RELCH: variants seen among roughly 807,000 people sequenced by gnomAD.
RELCH encodes the protein RAB11 binding and LisH domain, coiled-coil and HEAT repeat containing.
RELCH carries 41 observed loss-of-function variants against 150.3 expected under a neutral mutation model. The observed-to-expected ratio is 0.27, with a 90% CI of 0.21 to 0.35. RELCH has a LOEUF of 0.35. Ranked by LOEUF, RELCH falls within the 10% of genes least tolerant of loss-of-function variation. RELCH has a pLI of 1.00. For missense variants in RELCH, 1,092 were observed against 1,467.8 expected (o/e 0.74, Z 4.18); for synonymous variants, 478 against 531.8 (o/e 0.90, Z 1.39).
chr18:62,244,827 C>T lies in RELCH; in HGVS notation c.1684C>T (p.Leu562Phe). 1 of 1,613,560 alleles carries T rather than the reference C, an allele frequency of 6.2e-7. No individual in the cohort carries two copies. The highest frequency in any genetic ancestry group is 8.5e-7 in the Non-Finnish European group (1 of 1,179,626). ...LHPEPKERDQ[L>F]LHILFNLIKR... ...TCCTGAGCCTAAAGAGCGAGATCAGCTTCTCCACATACTTTTCAATTTGAT... is the reference window on the plus strand; with the variant it reads ...TCCTGAGCCTAAAGAGCGAGATCAGTTTCTCCACATACTTTTCAATTTGAT... The change falls in exon 11 of 29, where the codon CTT (leucine) becomes TTT (phenylalanine). Residue 562 changes from leucine (L) to phenylalanine (F), a missense_variant. Around this residue, in one of 4 missense-constraint regions of RELCH, gnomAD observed 707 missense variants for 1,025.4 expected, o/e 0.69. Coordinates refer to ENST00000644646, the MANE Select transcript of RELCH (RefSeq NM_001346231.2).
intron 16 of RELCH, 73 bp from the exon 17 acceptor site, chr18:62,263,907 ACCTTATTTT>A: frequency 9.9e-7 from 1 of 1,005,590 alleles, no homozygotes; most frequent in South Asian, 1.5e-5. Flanking sequence ...AGGAGAAAGG[ACCTTATTTT>A]CCTTTCAACA....
At position 62,288,899 on chromosome 18, in the gene RELCH, CAAAG is replaced by C. The variant is rs368282347; in HGVS notation, c.3370+1440_3370+1443del. 5.2e-3 allele frequency among the ~76,000 whole-genome samples: 795 copies of C among 152,060 alleles called. 5 individuals carry two copies. Among genetic ancestry groups the C allele is most frequent in the Non-Finnish European group, 8.6e-3 (583 of 67,932 alleles). On this transcript the variant is annotated intron_variant, in intron 26 of 28. Coordinates refer to ENST00000644646, the MANE Select transcript of RELCH (RefSeq NM_001346231.2). ...GTGGTGCATCGCAGAGTTTGTATCT[CAAAG>C]AAAGAAAACATTGGTGTGTTTAATT... is the stretch of plus-strand genomic sequence containing the variant.
At chr18:62,220,884 T>C (rs1398149043) in intron 2 of RELCH, 153 bp from the exon 3 acceptor site, 12 of 687,446 alleles carry the variant, frequency 1.7e-5, no homozygotes, top group Admixed American at 1.1e-4. Flanking sequence ...CTCTGCTGCA[T>C]GCGTTCACAA....
chr18:62,243,290 G>T (rs1182667117), intron 10 of RELCH, among the ~76,000 whole-genome samples: 2 of 151,918 alleles, frequency 1.3e-5, no homozygotes, highest in Non-Finnish European at 2.9e-5. Flanking sequence ...TTTGTAAAAG[G>T]TTGTTTATTT....
chr18:62,263,993 T>C lies in RELCH; in HGVS notation c.2355T>C (p.Thr785=). The change falls in exon 17 of 29, where the codon ACT becomes ACC. Residue 785 remains threonine, a synonymous_variant. Coordinates refer to ENST00000644646, the MANE Select transcript of RELCH (RefSeq NM_001346231.2). ...LHGEVPQIEV[T]RFPRPMSPLQ... ...TTTTGCTTCTTTTATGTGTAGTGACTAGGTTTCCTCGGCCTATGTCGCCTC... is the reference window on the plus strand; with the variant it reads ...TTTTGCTTCTTTTATGTGTAGTGACCAGGTTTCCTCGGCCTATGTCGCCTC... 6.2e-7 allele frequency: 1 copy of C among 1,607,274 alleles called. No homozygotes were observed. Among genetic ancestry groups the C allele is most frequent in the Non-Finnish European group, 8.5e-7 (1 of 1,177,040 alleles).
In RELCH at chr18:62,301,549, G is replaced by A. The variant is rs567885467; in HGVS notation, c.3530+2689G>A. Among the ~76,000 whole-genome samples the A allele has an allele frequency of 6.6e-5, 10 of 152,284 alleles. No individual in the cohort carries two copies. The South Asian group carries it at 2.1e-3, about 32-fold the overall frequency. On this transcript the variant is annotated intron_variant, in intron 28 of 28. Transcript: ENST00000644646. ...GCCTGCTACCTGTAGCCAATACTTA[G>A]GAACTTTGGTTGTCTAGCGTTAGTG...
At chr18:62,279,753 C>A in intron 22 of RELCH, 21 bp from the exon 23 acceptor site, 5 of 1,497,326 alleles carry the variant, frequency 3.3e-6, no homozygotes, top group Non-Finnish European at 3.6e-6. Flanking sequence ...CCTGTGAATA[C>A]CCCCTGTGCT....
Position 62,221,124 on chromosome 18 carries a change from C to T in RELCH, c.688+16C>T, listed in dbSNP as rs752380454. On this transcript the variant is annotated intron_variant, in intron 3 of 28. Coordinates refer to ENST00000644646, the MANE Select transcript of RELCH (RefSeq NM_001346231.2). ...AAGGCCGCAGGTGGTGTACATAAAA[C>T]TTTTTTGAGACTTTTCAACTTTGAC... 9.3e-6 allele frequency: 15 copies of T among 1,611,926 alleles called. No homozygotes were observed. Among genetic ancestry groups the T allele is most frequent in the African/African-American group, 1.3e-5 (1 of 74,756 alleles).
chr18:62,222,559 C>G (rs572147137), intron 5 of RELCH, among the ~76,000 whole-genome samples: 1 of 151,994 alleles, frequency 6.6e-6, no homozygotes, highest in African/African-American at 2.4e-5. Flanking sequence ...TAGATTAAAA[C>G]CTAGCTCTAT....
intron 19 of RELCH, 98 bp downstream of exon 19, chr18:62,266,847 CA>C (rs1224746277): frequency 1.4e-6 from 1 of 700,154 alleles, no homozygotes; most frequent in Non-Finnish European, 2.4e-6. Context: ...AATGAACTAG[CA>C]ACTACAATTG....
chr18:62,239,145 A>G (rs1241656401), intron 10 of RELCH, among the ~76,000 whole-genome samples: 1 of 152,136 alleles, frequency 6.6e-6, no homozygotes, highest in Non-Finnish European at 1.5e-5. Context: ...GCATGTGTGC[A>G]TATTTAATTT....
intron 10 of RELCH, chr18:62,234,834 C>T (rs1278952197): frequency 6.6e-6 from 1 of 151,590 alleles, no homozygotes; most frequent in African/African-American, 2.4e-5. Flanking sequence ...GGGTAGTAAA[C>T]CCTTATCATA....
rs564837976 is a variant in RELCH at position 62,232,541 on chromosome 18, A to C, written c.1620+114A>C. 9 of 654,286 alleles carry C rather than the reference A, an allele frequency of 1.4e-5. No homozygotes were observed. The African/African-American group carries it at 1.5e-4, about 11-fold the overall frequency. The allele number at this position is 654,286 out of a possible 1,614,324, so 40.5% of individuals were successfully genotyped here. ...TTGTTAAAGTCTATTACTTGCAATC[A>C]TATTCTTACTTTTGTGCATGCATCT... On this transcript the variant is annotated intron_variant, in intron 10 of 28. Coordinates refer to ENST00000644646, the MANE Select transcript of RELCH (RefSeq NM_001346231.2).
intron 1 of RELCH, among the ~76,000 whole-genome samples, chr18:62,198,840 A>T (rs1214045959): frequency 2.6e-5 from 4 of 152,042 alleles, no homozygotes; most frequent in Admixed American, 2.0e-4. Flanking sequence ...CTCACTAGGA[A>T]TTTTTTAATT....
In RELCH at chr18:62,221,009, T is replaced by C. The variant is rs778610917; in HGVS notation, c.617-28T>C. On this transcript the variant is annotated intron_variant, in intron 2 of 28. Coordinates refer to ENST00000644646, the MANE Select transcript of RELCH (RefSeq NM_001346231.2). ...TTCCCTTTTCTTGGTTGGATGCCTG[T>C]GTGTGTTTATTCCAAATCCCTGTCC... 3.2e-6 allele frequency: 5 copies of C among 1,577,878 alleles called. No homozygotes were observed. In the African/African-American group the frequency reaches 5.4e-5, roughly 17 times the overall value.
intron 7 of RELCH, 87 bp from the exon 8 acceptor site, chr18:62,228,218 A>T: frequency 9.3e-7 from 1 of 1,070,804 alleles, no homozygotes; most frequent in Non-Finnish European, 1.4e-6. Context: ...ATATGCTTTT[A>T]AAACATTAAA....
chr18:62,262,011 AGCTT>A (rs2043297469), intron 16 of RELCH, among the ~76,000 whole-genome samples: 1 of 152,058 alleles, frequency 6.6e-6, no homozygotes, highest in African/African-American at 2.4e-5. Flanking sequence ...CAGTATATGA[AGCTT>A]GTCATTTCTG....
intron 18 of RELCH, among the ~76,000 whole-genome samples, chr18:62,265,521 T>G (rs1352926021): frequency 6.6e-6 from 1 of 152,058 alleles, no homozygotes. Context: ...AAAGGTGTAG[T>G]TTCTATAATC....
chr18:62,305,727 G>T lies in RELCH; in HGVS notation c.*193G>T. On this transcript the variant is annotated 3_prime_UTR_variant, in exon 29 of 29. Coordinates refer to ENST00000644646, the MANE Select transcript of RELCH (RefSeq NM_001346231.2). The surrounding 1 kb of genome is among the most constrained non-coding windows in gnomAD (Gnocchi z 4.0). The stretch of plus-strand genomic sequence containing the variant: ...TGTTGATTTTGGAGTTACAACTGTG[G>T]TGATAGAAAATTGAGTTGATGGTCT... 2.4e-6 allele frequency: 1 copy of T among 419,794 alleles called. No individual in the cohort carries two copies. Among genetic ancestry groups the T allele is most frequent in the Non-Finnish European group, 3.9e-6 (1 of 257,118 alleles). 26.0% of individuals were successfully genotyped at this position (419,794 alleles called of 1,614,324 possible). A position where few individuals can be genotyped will look rare whatever the true frequency, so the allele number is the denominator to read the frequency against.
Sources: allele counts gnomAD v4.1 joint callset (sites outside exome capture counted in the v4.1 genomes callset), GRCh38; gene constraint gnomAD v4.1.1; regional missense constraint gnomAD v4.1.1; non-coding constraint Gnocchi (gnomAD v3.1); transcripts MANE v1.5; gene names NCBI Gene and HGNC (gene_info 2026-07-23, HGNC 2026-07-21).